REV3L: variants seen among roughly 807,000 people sequenced by gnomAD.
REV3L encodes DNA polymerase zeta catalytic subunit.
A neutral mutation model predicts 299.4 loss-of-function variants in REV3L; 69 were observed. The ratio of observed to expected loss-of-function variants is 0.23; its 90% CI spans 0.19 to 0.28. The LOEUF (loss-of-function observed/expected upper bound fraction) is 0.28. Ranked by LOEUF, REV3L falls within the 10% of genes least tolerant of loss-of-function variation. REV3L has a pLI of 1.00. For synonymous variants in REV3L, 1,238 were observed against 1,271.4 expected (o/e 0.97, Z 0.56); for missense variants, 3,128 against 3,693.8 (o/e 0.85, Z 3.97).
At chr6:111,340,908 G>C (rs1776413374) in intron 21 of REV3L, among the ~76,000 whole-genome samples, 1 of 151,400 alleles carries the variant, frequency 6.6e-6, no homozygotes, top group Non-Finnish European at 1.5e-5. Flanking sequence ...TATCATCCTA[G>C]ATAATACCTA....
At chr6:111,467,399 GT>G (rs1279839861) in intron 1 of REV3L, among the ~76,000 whole-genome samples, 2 of 152,184 alleles carry the variant, frequency 1.3e-5, no homozygotes, top group Non-Finnish European at 2.9e-5. Context: ...CATTCTGTGT[GT>G]TTTTCTTCTG....
chr6:111,457,358 A>G (rs1790269449), intron 1 of REV3L, among the ~76,000 whole-genome samples: 1 of 152,070 alleles, frequency 6.6e-6, no homozygotes, highest in Admixed American at 6.6e-5. Context: ...AACTAAAAAC[A>G]TAGCTTAGTT....
At chr6:111,377,993 A>T in intron 11 of REV3L, 150 bp from the exon 12 acceptor site, 1 of 595,486 alleles carries the variant, frequency 1.7e-6, no homozygotes, top group Non-Finnish European at 2.6e-6. Context: ...CAATACAAAA[A>T]ATCTGAAAAT....
chr6:111,480,356 C>G (rs1357906024), intron 1 of REV3L, among the ~76,000 whole-genome samples: 3 of 152,102 alleles, frequency 2.0e-5, no homozygotes, highest in Middle Eastern at 3.2e-3. Flanking sequence ...TCAAATAAAT[C>G]TGTCTTCATT....
intron 25 of REV3L, among the ~76,000 whole-genome samples, chr6:111,323,365 G>T (rs1173014723): frequency 6.6e-6 from 1 of 152,102 alleles, no homozygotes; most frequent in Non-Finnish European, 1.5e-5. Flanking sequence ...ATATGTACGT[G>T]TATCTCTCAA....
At chr6:111,459,393 C>G (rs568990422) in intron 1 of REV3L, among the ~76,000 whole-genome samples, 21 of 152,126 alleles carry the variant, frequency 1.4e-4, no homozygotes, top group African/African-American at 4.8e-4. Flanking sequence ...ATGGCTAAGT[C>G]CTCAAAAACA....
chr6:111,439,912 A>G (rs188033479), intron 1 of REV3L, among the ~76,000 whole-genome samples: 2 of 152,316 alleles, frequency 1.3e-5, no homozygotes, highest in East Asian at 3.9e-4. Flanking sequence ...AAATTGGGCT[A>G]TACAATTTTG....
intron 22 of REV3L, 104 bp from the exon 23 acceptor site, chr6:111,333,471 G>GT: frequency 1.5e-6 from 2 of 1,310,006 alleles, no homozygotes. Flanking sequence ...GAATAAGATT[G>GT]TATGACTTTT....
At chr6:111,457,783 A>G (rs2128322525) in intron 1 of REV3L, among the ~76,000 whole-genome samples, 1 of 152,166 alleles carries the variant, frequency 6.6e-6, no homozygotes, top group Non-Finnish European at 1.5e-5. Flanking sequence ...CAAATGAAAT[A>G]CATGAAGAGA....
chr6:111,360,508 C>A (rs1778549851), intron 16 of REV3L: 3 of 129,896 alleles, frequency 2.3e-5, no homozygotes, highest in Non-Finnish European at 4.7e-5. Flanking sequence ...CAGGGTCTCT[C>A]TCTGTTGCCC....
At chr6:111,328,204 C>T (rs1775036804) in intron 25 of REV3L, among the ~76,000 whole-genome samples, 2 of 152,164 alleles carry the variant, frequency 1.3e-5, no homozygotes, top group African/African-American at 4.8e-5. Context: ...TGCTTTATAT[C>T]TACTGGTATA....
In REV3L at chr6:111,318,338, C is replaced by T. The variant is rs145749265; in HGVS notation, c.8352-2957G>A. Among the ~76,000 whole-genome samples the T allele has an allele frequency of 9.9e-3, 1,497 of 151,504 alleles. 22 individuals carry two copies. The highest frequency in any genetic ancestry group is 0.035 in the African/African-American group (1,427 of 41,350). On this transcript the variant is annotated intron_variant, in intron 26 of 31. Coordinates refer to ENST00000368802, the MANE Select transcript of REV3L (RefSeq NM_001372078.1). Reference sequence around the variant, plus strand: ...TGCCCGCCTGTATTTTTAGTAGAGACGGGGTTTCACCGTGTTAGCCAGGAT... The same window carrying T: ...TGCCCGCCTGTATTTTTAGTAGAGATGGGGTTTCACCGTGTTAGCCAGGAT...
intron 1 of REV3L, chr6:111,431,770 C>T (rs1265516650): frequency 5.3e-6 from 4 of 757,880 alleles, no homozygotes; most frequent in Non-Finnish European, 9.6e-6. Flanking sequence ...TGAATGTGGA[C>T]CTGGTGGAAG....
chr6:111,429,923 G>A (rs1309145123), intron 1 of REV3L, among the ~76,000 whole-genome samples: 1 of 152,122 alleles, frequency 6.6e-6, no homozygotes, highest in African/African-American at 2.4e-5. Context: ...AGGGAATGAA[G>A]TCACCGAACT....
intron 4 of REV3L, 99 bp downstream of exon 4, chr6:111,405,371 T>C: frequency 1.5e-6 from 1 of 683,742 alleles, no homozygotes; most frequent in Non-Finnish European, 2.2e-6. Context: ...CAACATTTAT[T>C]TTCTAAATAT....
At chr6:111,429,236 A>C (rs1786559225) in intron 1 of REV3L, among the ~76,000 whole-genome samples, 2 of 151,982 alleles carry the variant, frequency 1.3e-5, no homozygotes, top group South Asian at 2.1e-4. Flanking sequence ...CTGGTTTTGA[A>C]CTCCTGGACT....
chr6:111,309,660 G>A (rs1772738607), intron 30 of REV3L, 193 bp downstream of exon 30: 4 of 512,390 alleles, frequency 7.8e-6, no homozygotes, highest in African/African-American at 3.9e-5. Context: ...ATCTGTGGGG[G>A]TGGAGCCCTA....
Position 111,372,507 on chromosome 6 carries a change from G to A in REV3L, c.5759+89C>T, listed in dbSNP as rs1779899042. On this transcript the variant is annotated intron_variant, in intron 13 of 31. Transcript: ENST00000368802. Reference sequence around the variant, plus strand: ...ACTAGCAGTCAGGTAACCAAATGTTGCATACATTCTTTTTTTTTCAATCCC... The same window carrying A: ...ACTAGCAGTCAGGTAACCAAATGTTACATACATTCTTTTTTTTTCAATCCC... The A allele has an allele frequency of 4.0e-6, 4 of 1,000,366 alleles. No homozygotes were observed. The East Asian group carries it at 8.5e-5, about 21-fold the overall frequency. 62.0% of individuals were successfully genotyped at this position (1,000,366 alleles called of 1,614,324 possible).
At position 111,415,294 on chromosome 6, in the gene REV3L, G is replaced by A. The variant is rs540521296; in HGVS notation, c.329+989C>T. On this transcript the variant is annotated intron_variant, in intron 2 of 31. Transcript: ENST00000368802. ...AGAGAAAATGAGAAGGCAGCCAGAA[G>A]AAGCCGGCATAGCCACCAGACCTAG... Among the ~76,000 whole-genome samples, 5 of 152,308 alleles carry A rather than the reference G, an allele frequency of 3.3e-5. No homozygotes were observed. In the South Asian group the frequency reaches 1.0e-3, roughly 32 times the overall value.
Sources: gnomAD v4.1 joint callset for allele counts (sites outside exome capture counted in the v4.1 genomes callset) on GRCh38, gnomAD v4.1.1 for gene constraint, MANE v1.5 for transcripts, NCBI Gene and HGNC (gene_info 2026-07-23, HGNC 2026-07-21) for gene names.